Variants in CD44 observed in about 807,000 individuals in gnomAD.
CD44 encodes CD44 antigen.
CD44 carries 49 observed loss-of-function variants against 88.8 expected under a neutral mutation model. The observed-to-expected ratio is 0.55, with a 90% CI of 0.44 to 0.70. CD44 has a LOEUF of 0.70. CD44 is among the 30% of genes least tolerant of loss of function. CD44 has a pLI of 0.00. For missense variants in CD44, 883 were observed against 913.8 expected, an observed-to-expected ratio of 0.97 and a Z score of 0.43; for synonymous variants, 325 against 312.3, an observed-to-expected ratio of 1.04 and a Z score of -0.43.
At chr11:35,211,536 G>A in intron 14 of CD44, 87 bp downstream of exon 14, 1 of 962,798 alleles carries the variant, frequency 1.0e-6, no homozygotes, top group Non-Finnish European at 1.6e-6. Context: ...TTTCTGTGTA[G>A]TCTGGGATTG....
At chr11:35,177,643 A>C (rs574402332) in intron 2 of CD44, among the ~76,000 whole-genome samples, 2 of 152,324 alleles carry the variant, frequency 1.3e-5, no homozygotes, top group Non-Finnish European at 2.9e-5. Flanking sequence ...AACTCTACGG[A>C]AACCATGAAG....
intron 3 of CD44, among the ~76,000 whole-genome samples, chr11:35,184,370 T>C (rs1447075228): frequency 6.6e-6 from 1 of 152,232 alleles, no homozygotes; most frequent in Non-Finnish European, 1.5e-5. Context: ...ATTCCCAGTG[T>C]ACTGTTACTT....
intron 3 of CD44, among the ~76,000 whole-genome samples, chr11:35,181,906 A>ATTTTATATAATTC (rs1945108252): frequency 1.6e-5 from 1 of 60,838 alleles, no homozygotes; most frequent in African/African-American, 9.1e-5. Context: ...TATAATATAT[A>ATTTTATATAATTC]ATATATATTA....
At chr11:35,205,467 T>C (rs1472395146) in intron 10 of CD44, among the ~76,000 whole-genome samples, 1 of 152,206 alleles carries the variant, frequency 6.6e-6, no homozygotes, top group Non-Finnish European at 1.5e-5. Context: ...TGATTGTCTA[T>C]GTGGTGTAGT....
At chr11:35,182,919 G>A (rs539349388) in intron 3 of CD44, among the ~76,000 whole-genome samples, 2 of 152,214 alleles carry the variant, frequency 1.3e-5, no homozygotes, top group African/African-American at 2.4e-5. Context: ...AGCTCACACT[G>A]TTTTATTGCC....
chr11:35,159,415 A>G (rs991816592), intron 1 of CD44, among the ~76,000 whole-genome samples: 2 of 152,058 alleles, frequency 1.3e-5, no homozygotes, highest in African/African-American at 4.8e-5. Flanking sequence ...GTGATTTTGG[A>G]CTGTTGTTTG....
At chr11:35,194,912 G>C (rs899490415) in intron 5 of CD44, among the ~76,000 whole-genome samples, 3 of 152,350 alleles carry the variant, frequency 2.0e-5, no homozygotes, top group South Asian at 2.1e-4. Flanking sequence ...GAAAGTGCAG[G>C]CTTCTCCTTT....
chr11:35,199,176 A>G (rs539452713), intron 7 of CD44, among the ~76,000 whole-genome samples: 2 of 152,342 alleles, frequency 1.3e-5, no homozygotes, highest in East Asian at 1.9e-4. Context: ...CTTTAGCAAG[A>G]CATTGCCACT....
At chr11:35,184,302 A>G (rs568705410) in intron 3 of CD44, among the ~76,000 whole-genome samples, 115 of 152,318 alleles carry the variant, frequency 7.5e-4, no homozygotes, top group African/African-American at 2.6e-3. Flanking sequence ...ATAATTTACA[A>G]AACTGTCTTA....
chr11:35,144,184 C>T (rs1157912344), intron 1 of CD44, among the ~76,000 whole-genome samples: 1 of 152,212 alleles, frequency 6.6e-6, no homozygotes, highest in African/African-American at 2.4e-5. Context: ...TCACCTGGGC[C>T]TCCTCAGCAC....
At chr11:35,190,427 A>C in intron 5 of CD44, 1 of 262,274 alleles carries the variant, frequency 3.8e-6, no homozygotes, top group Non-Finnish European at 7.4e-6. Context: ...GTTCTTATCC[A>C]CCTATGGATA....
intron 1 of CD44, among the ~76,000 whole-genome samples, chr11:35,172,920 C>T (rs566522537): frequency 5.3e-5 from 8 of 151,842 alleles, no homozygotes; most frequent in Non-Finnish European, 8.8e-5. Context: ...TTTGGAAGAC[C>T]CGTCATATAG....
At chr11:35,209,786 G>C (rs1249577972) in intron 12 of CD44, among the ~76,000 whole-genome samples, 179 bp from the exon 13 acceptor site, 1 of 152,114 alleles carries the variant, frequency 6.6e-6, no homozygotes, top group Non-Finnish European at 1.5e-5. Context: ...CCAAATAGGG[G>C]CAAAATAGAA....
intron 11 of CD44, among the ~76,000 whole-genome samples, chr11:35,207,824 G>C (rs534082136): frequency 6.6e-6 from 1 of 152,272 alleles, no homozygotes; most frequent in East Asian, 1.9e-4. Flanking sequence ...GCAAGATTTG[G>C]GTGTTCCATC....
intron 15 of CD44, among the ~76,000 whole-genome samples, chr11:35,217,953 A>C (rs1355447721): frequency 6.6e-6 from 1 of 152,056 alleles, no homozygotes; most frequent in Non-Finnish European, 1.5e-5. Context: ...TTATTTATTT[A>C]TTATTTTTAT....
chr11:35,152,745 G>A (rs1860584995), intron 1 of CD44, among the ~76,000 whole-genome samples: 2 of 152,082 alleles, frequency 1.3e-5, no homozygotes, highest in Admixed American at 1.3e-4. Context: ...TATCTAGGTG[G>A]GCCCAGTATT....
intron 2 of CD44, among the ~76,000 whole-genome samples, chr11:35,179,532 G>T (rs1052180170): frequency 6.6e-6 from 1 of 152,164 alleles, no homozygotes; most frequent in African/African-American, 2.4e-5. Flanking sequence ...GGAGAGAGGG[G>T]CTATGCATTT....
At chr11:35,140,963 G>C (rs982853667) in intron 1 of CD44, among the ~76,000 whole-genome samples, 5 of 150,160 alleles carry the variant, frequency 3.3e-5, no homozygotes, top group African/African-American at 1.2e-4. Context: ...GAAGGTTGCA[G>C]TGAACCAAGA....
intron 4 of CD44, among the ~76,000 whole-genome samples, chr11:35,187,871 G>C (rs925182619): frequency 6.6e-6 from 1 of 152,018 alleles, no homozygotes; most frequent in Non-Finnish European, 1.5e-5. Context: ...TATATATTCG[G>C]GCACTTTTTA....
Sources: allele counts gnomAD v4.1 joint callset (sites outside exome capture counted in the v4.1 genomes callset), GRCh38; gene constraint gnomAD v4.1.1; transcripts MANE v1.5; gene names NCBI Gene and HGNC (gene_info 2026-07-23, HGNC 2026-07-21).